The following RALYL variants were observed in gnomAD, a reference collection of about 807,000 sequenced individuals.
RALYL encodes RNA-binding Raly-like protein.
A neutral mutation model predicts 35.1 loss-of-function variants in RALYL; 29 were observed. The observed-to-expected ratio is 0.83, with a 90% confidence interval of 0.61 to 1.13. The LOEUF is 1.13. Among genes scored for constraint, RALYL ranks in the 50% most tolerant of loss-of-function variants. The probability of loss-of-function intolerance (pLI) is 0.00; values close to 1 mark genes in which losing one functional copy is unlikely to be tolerated. For synonymous variants in RALYL, 120 were observed against 127.6 expected, an observed-to-expected ratio of 0.94 and a Z score of 0.40; for missense variants, 359 against 360.4, an observed-to-expected ratio of 1.00 and a Z score of 0.03.
At chr8:84,593,772 A>G (rs1368621553) in intron 2 of RALYL, among the ~76,000 whole-genome samples, 2 of 152,098 alleles carry the variant, frequency 1.3e-5, no homozygotes, top group East Asian at 1.9e-4. Context: ...GGAACTCTGC[A>G]TATATTCCTT....
chr8:84,356,803 C>T (rs1851925092), intron 1 of RALYL, among the ~76,000 whole-genome samples: 1 of 150,218 alleles, frequency 6.7e-6, no homozygotes, highest in Non-Finnish European at 1.5e-5. Flanking sequence ...GTTATGCTCT[C>T]TTTGTCATAA....
At chr8:84,765,409 C>G (rs1252633453) in intron 2 of RALYL, among the ~76,000 whole-genome samples, 1 of 152,138 alleles carries the variant, frequency 6.6e-6, no homozygotes, top group African/African-American at 2.4e-5. Flanking sequence ...GGTATCACCT[C>G]TTTTGCTGGT....
At chr8:84,192,597 G>C (rs1030356599) in intron 1 of RALYL, among the ~76,000 whole-genome samples, 4 of 149,744 alleles carry the variant, frequency 2.7e-5, no homozygotes, top group Non-Finnish European at 4.4e-5. Flanking sequence ...TTGCTCTGTT[G>C]CCTAGGCTAG....
chr8:84,311,916 A>G (rs1842891928), intron 1 of RALYL, among the ~76,000 whole-genome samples: 1 of 152,214 alleles, frequency 6.6e-6, no homozygotes, highest in Non-Finnish European at 1.5e-5. Flanking sequence ...CAGAGATTAT[A>G]CAATAAACAG....
chr8:84,341,788 G>T (rs189462904), intron 1 of RALYL, among the ~76,000 whole-genome samples: 180 of 151,960 alleles, frequency 1.2e-3, no homozygotes, highest in African/African-American at 4.1e-3. Flanking sequence ...GATAACCATT[G>T]TACAGATACA....
intron 8 of RALYL, among the ~76,000 whole-genome samples, chr8:84,900,033 A>G (rs991018171): frequency 1.3e-5 from 2 of 152,068 alleles, no homozygotes; most frequent in African/African-American, 4.8e-5. Flanking sequence ...AGTTCTAAGG[A>G]TTTTTGAGAT....
At chr8:84,495,610 A>G (rs190248229) in intron 1 of RALYL, among the ~76,000 whole-genome samples, 67 of 152,246 alleles carry the variant, frequency 4.4e-4, no homozygotes, top group African/African-American at 1.5e-3. Context: ...ATTCATTCAT[A>G]CAAGGTATGT....
chr8:84,675,983 G>C (rs1834115657), intron 2 of RALYL, among the ~76,000 whole-genome samples: 1 of 152,140 alleles, frequency 6.6e-6, no homozygotes, highest in Non-Finnish European at 1.5e-5. Context: ...CAATTGATGT[G>C]TTAATTAGTG....
chr8:84,564,542 T>A (rs1210113428), intron 2 of RALYL, among the ~76,000 whole-genome samples: 1 of 151,754 alleles, frequency 6.6e-6, no homozygotes, highest in Non-Finnish European at 1.5e-5. Context: ...AAGTCTTTTA[T>A]GTTTTGCTGT....
intron 5 of RALYL, among the ~76,000 whole-genome samples, chr8:84,861,198 T>G (rs553796280): frequency 1.3e-5 from 2 of 152,280 alleles, no homozygotes; most frequent in East Asian, 3.9e-4. Flanking sequence ...TATGTAACAA[T>G]CATAATTCTA....
chr8:84,281,699 G>T (rs912445899), intron 1 of RALYL, among the ~76,000 whole-genome samples: 3 of 151,946 alleles, frequency 2.0e-5, no homozygotes, highest in African/African-American at 4.8e-5. Flanking sequence ...AAGAAAAATT[G>T]TATGTGTATG....
At chr8:84,327,284 T>C (rs1332562809) in intron 1 of RALYL, among the ~76,000 whole-genome samples, 3 of 151,962 alleles carry the variant, frequency 2.0e-5, no homozygotes, top group South Asian at 2.1e-4. Context: ...AAGTATAGGG[T>C]AAGATATTCT....
At chr8:84,575,819 C>G (rs1809257430) in intron 2 of RALYL, among the ~76,000 whole-genome samples, 1 of 151,750 alleles carries the variant, frequency 6.6e-6, no homozygotes, top group Admixed American at 6.6e-5. Flanking sequence ...CTTTGATTAC[C>G]CTATAGTTTT....
At chr8:84,270,504 A>G (rs1409203203) in intron 1 of RALYL, among the ~76,000 whole-genome samples, 1 of 152,004 alleles carries the variant, frequency 6.6e-6, no homozygotes, top group African/African-American at 2.4e-5. Context: ...GGAGTGCAAC[A>G]TGAGGAAACT....
intron 5 of RALYL, among the ~76,000 whole-genome samples, chr8:84,857,877 C>T (rs543269823): frequency 1.3e-5 from 2 of 152,086 alleles, no homozygotes; most frequent in South Asian, 2.1e-4. Context: ...CAAAATGTTA[C>T]TTTATTATTG....
At chr8:84,214,907 A>C (rs1032089492) in intron 1 of RALYL, among the ~76,000 whole-genome samples, 2 of 150,560 alleles carry the variant, frequency 1.3e-5, no homozygotes, top group African/African-American at 4.9e-5. Context: ...TAATTTTTAT[A>C]TATTTATTTA....
intron 1 of RALYL, among the ~76,000 whole-genome samples, chr8:84,423,585 T>C (rs983354630): frequency 3.9e-4 from 59 of 152,148 alleles, no homozygotes; most frequent in Non-Finnish European, 8.1e-4. Context: ...AATTTGATCC[T>C]GTCATTATGA....
intron 1 of RALYL, among the ~76,000 whole-genome samples, chr8:84,448,513 A>G (rs1255825524): frequency 6.6e-6 from 1 of 151,994 alleles, no homozygotes; most frequent in African/African-American, 2.4e-5. Flanking sequence ...AAGAGAGGTG[A>G]TGAAAAACCT....
chr8:84,524,662 A>G (rs1379462036), intron 1 of RALYL, among the ~76,000 whole-genome samples: 1 of 152,160 alleles, frequency 6.6e-6, no homozygotes, highest in Non-Finnish European at 1.5e-5. Flanking sequence ...TTAATTTATA[A>G]TAAATGTATC....
Sources: allele counts gnomAD v4.1 joint callset (sites outside exome capture counted in the v4.1 genomes callset), GRCh38; gene constraint gnomAD v4.1.1; transcripts MANE v1.5; gene names NCBI Gene and HGNC (gene_info 2026-07-23, HGNC 2026-07-21).